The following KDM4C variants were observed in gnomAD, a reference collection of about 807,000 sequenced individuals.
The protein encoded by KDM4C is lysine demethylase 4C.
A neutral mutation model predicts 129.3 loss-of-function variants in KDM4C; 81 were observed. The ratio of observed to expected loss-of-function variants is 0.63; its 90% CI spans 0.52 to 0.75. The LOEUF is 0.75. Ranked by LOEUF, KDM4C falls within the 30% of genes least tolerant of loss-of-function variation. The pLI, the probability that KDM4C is intolerant of heterozygous loss-of-function variation, is 0.00. For synonymous variants in KDM4C, 573 were observed against 456.1 expected (o/e 1.26, Z -3.26); for missense variants, 1,457 against 1,304.0 (o/e 1.12, Z -1.81).
chr9:6,813,234 T>C (rs1356477068), intron 3 of KDM4C, among the ~76,000 whole-genome samples: 2 of 151,716 alleles, frequency 1.3e-5, no homozygotes, highest in African/African-American at 4.8e-5. Context: ...AAATAGAGGG[T>C]CTCACTACCT....
At chr9:7,060,507 G>GAACAATAATA (rs1831493260) in intron 17 of KDM4C, among the ~76,000 whole-genome samples, 1 of 147,962 alleles carries the variant, frequency 6.8e-6, no homozygotes, top group Non-Finnish European at 1.5e-5. Flanking sequence ...TTTTGAGATG[G>GAACAATAATA]AGTCTTGGTC....
intron 1 of KDM4C, among the ~76,000 whole-genome samples, chr9:6,783,212 C>T (rs895317085): frequency 5.9e-5 from 9 of 152,242 alleles, no homozygotes; most frequent in East Asian, 5.8e-4. Context: ...TAATAACCGC[C>T]TGTGTACTTG....
intron 21 of KDM4C, among the ~76,000 whole-genome samples, chr9:7,174,147 G>A (rs925439020): frequency 3.3e-5 from 5 of 152,176 alleles, no homozygotes; most frequent in Non-Finnish European, 7.4e-5. Context: ...TAGCAACTAG[G>A]ACTTCATTCA....
intron 4 of KDM4C, among the ~76,000 whole-genome samples, chr9:6,841,300 G>C (rs962863320): frequency 6.6e-6 from 1 of 152,120 alleles, no homozygotes; most frequent in Non-Finnish European, 1.5e-5. Flanking sequence ...TTGGAAATCA[G>C]CCACATGAGG....
chr9:6,877,077 C>T (rs1039522069), intron 5 of KDM4C, among the ~76,000 whole-genome samples: 1 of 152,122 alleles, frequency 6.6e-6, no homozygotes, highest in African/African-American at 2.4e-5. Context: ...GGTACTTCAT[C>T]CCTGAGGGAT....
intron 3 of KDM4C, among the ~76,000 whole-genome samples, chr9:6,807,900 C>G (rs1361854453): frequency 1.5e-5 from 2 of 133,190 alleles, no homozygotes; most frequent in African/African-American, 6.0e-5. Context: ...GTGGGGGTGT[C>G]AGCCCCCAGC....
intron 1 of KDM4C, among the ~76,000 whole-genome samples, chr9:6,763,455 C>G (rs969961358): frequency 6.7e-6 from 1 of 150,082 alleles, no homozygotes; most frequent in African/African-American, 2.4e-5. Context: ...CCTTCATAGT[C>G]TTAAGCAATC....
chr9:6,927,948 T>C (rs1822936755), intron 8 of KDM4C, among the ~76,000 whole-genome samples: 1 of 151,836 alleles, frequency 6.6e-6, no homozygotes, highest in South Asian at 2.1e-4. Context: ...TTTGAACTTT[T>C]GGTATCATCC....
In KDM4C at chr9:7,174,848, A is replaced by G. The variant is rs1371009929; in HGVS notation, c.*119A>G. The G allele has an allele frequency of 3.7e-6, 3 of 815,702 alleles. No homozygotes were observed. The highest frequency in any genetic ancestry group is 4.9e-5 in the East Asian group (2 of 40,916). The allele number at this position is 815,702 out of a possible 1,614,324, so 50.5% of individuals were successfully genotyped here. A position where few individuals can be genotyped will look rare whatever the true frequency, so the allele number is the denominator to read the frequency against. On this transcript the variant is annotated 3_prime_UTR_variant, in exon 22 of 22. Coordinates refer to ENST00000381309, the MANE Select transcript of KDM4C (RefSeq NM_015061.6). ...ATAGGTGACAGGGTGTGTCTCTGAC[A>G]GTGGTAAATCGGGTTTCCAGAGTTT...
Position 6,992,868 on chromosome 9 carries a change from A to C in KDM4C, c.1786+2344A>C, listed in dbSNP as rs374198625. Among the ~76,000 whole-genome samples the C allele has an allele frequency of 1.4e-4, 21 of 152,300 alleles. No homozygotes were observed. The East Asian group carries it at 3.3e-3, about 24-fold the overall frequency. ...CAGTGTCTTCTGTTGGTGAACGAGC[A>C]TTTCTCTATTGAAGCTGGAAAGTTT... On this transcript the variant is annotated intron_variant, in intron 12 of 21. Transcript: ENST00000381309.
chr9:6,879,979 A>G (rs765470391), intron 5 of KDM4C, 33 bp from the exon 6 acceptor site: 13 of 1,284,338 alleles, frequency 1.0e-5, no homozygotes, highest in Non-Finnish European at 1.4e-5. Flanking sequence ...AAAATTATAA[A>G]CCTAAAATTT....
intron 15 of KDM4C, among the ~76,000 whole-genome samples, chr9:7,031,523 G>C (rs1826768322): frequency 6.6e-6 from 1 of 151,998 alleles, no homozygotes; most frequent in Admixed American, 6.6e-5. Context: ...TGATCACTTG[G>C]AATTAGCTTT....
chr9:7,067,056 A>G (rs757942163), intron 17 of KDM4C, among the ~76,000 whole-genome samples: 1 of 152,270 alleles, frequency 6.6e-6, no homozygotes, highest in African/African-American at 2.4e-5. Context: ...TCATAATTAG[A>G]AAATGAAGGA....
At chr9:6,940,435 T>C (rs574659304) in intron 8 of KDM4C, among the ~76,000 whole-genome samples, 1 of 152,326 alleles carries the variant, frequency 6.6e-6, no homozygotes, top group Non-Finnish European at 1.5e-5. Context: ...AAGATGAGTA[T>C]AGCTTTTAAA....
chr9:6,876,175 C>G (rs896835446), intron 5 of KDM4C, among the ~76,000 whole-genome samples: 4 of 152,192 alleles, frequency 2.6e-5, no homozygotes, highest in Non-Finnish European at 5.9e-5. Flanking sequence ...TGAACATTTT[C>G]TCAAGTTTAC....
At chr9:6,968,891 A>T (rs895434483) in intron 8 of KDM4C, among the ~76,000 whole-genome samples, 11 of 152,008 alleles carry the variant, frequency 7.2e-5, no homozygotes, top group African/African-American at 2.4e-4. Context: ...TAAAATTTTT[A>T]TATTGGTTCT....
intron 4 of KDM4C, chr9:6,834,716 C>T: frequency 3.3e-6 from 3 of 907,972 alleles, no homozygotes; most frequent in Non-Finnish European, 5.6e-6. Flanking sequence ...GATCTGGCAC[C>T]ACACCTTCTA....
At chr9:6,976,818 A>ATTT (rs34764841) in intron 8 of KDM4C, among the ~76,000 whole-genome samples, 28 of 150,412 alleles carry the variant, frequency 1.9e-4, no homozygotes, top group African/African-American at 4.4e-4. Context: ...ATGTTGTTTG[A>ATTT]TTTTTTTTTT....
chr9:7,052,898 A>AGAGAGAGAGAGAGAGCGAGAGAGC (rs1477487723), intron 17 of KDM4C, among the ~76,000 whole-genome samples: 1 of 47,528 alleles, frequency 2.1e-5, no homozygotes, highest in Non-Finnish European at 6.9e-5. Context: ...AGAGAGAGAG[A>AGAGAGAGAGAGAGAGCGAGAGAGC]GAGCGAGCGA....
Sources: gnomAD v4.1 joint callset for allele counts (sites outside exome capture counted in the v4.1 genomes callset) on GRCh38, gnomAD v4.1.1 for gene constraint, MANE v1.5 for transcripts, NCBI Gene and HGNC (gene_info 2026-07-23, HGNC 2026-07-21) for gene names.